The following GALNT13 variants were observed in gnomAD, a reference collection of about 807,000 sequenced individuals.
GALNT13 encodes UDP-GalNAc:polypeptide N-acetylgalactosaminyltransferase 13.
Under a neutral mutation model 64.2 loss-of-function variants are expected in GALNT13, and 28 were observed. The ratio of observed to expected loss-of-function variants is 0.44; its 90% CI spans 0.32 to 0.60. The LOEUF (loss-of-function observed/expected upper bound fraction) is 0.60, where lower values mean the gene tolerates loss of function less well. Ranked by LOEUF, GALNT13 falls within the 20% of genes least tolerant of loss-of-function variation. The probability of loss-of-function intolerance (pLI) is 0.05; values close to 1 mark genes in which losing one functional copy is unlikely to be tolerated. For missense variants in GALNT13, 577 were observed against 669.8 expected, an observed-to-expected ratio of 0.86 and a Z score of 1.53; for synonymous variants, 214 against 224.6, an observed-to-expected ratio of 0.95 and a Z score of 0.42.
At chr2:154,383,996 T>C (rs1698396031) in intron 9 of GALNT13, among the ~76,000 whole-genome samples, 1 of 151,840 alleles carries the variant, frequency 6.6e-6, no homozygotes, top group African/African-American at 2.4e-5. Context: ...TTAGAGAATG[T>C]CTACTGACAC....
chr2:154,053,223 A>C (rs900900486), intron 3 of GALNT13, among the ~76,000 whole-genome samples: 40 of 152,302 alleles, frequency 2.6e-4, no homozygotes, highest in Admixed American at 2.4e-3. Context: ...TTGAGTTCCA[A>C]AACTGGATTT....
the GALNT13 span, among the ~76,000 whole-genome samples, chr2:153,277,418 G>T: frequency 2.6e-5 from 4 of 152,160 alleles, no homozygotes; most frequent in Non-Finnish European, 5.9e-5. Context: ...GTATTCTGTG[G>T]TATATATGTA....
At chr2:153,876,183 A>G (rs1467005833) in intron 1 of GALNT13, among the ~76,000 whole-genome samples, 3 of 148,278 alleles carry the variant, frequency 2.0e-5, no homozygotes, top group Admixed American at 1.3e-4. Flanking sequence ...TGACATTTCT[A>G]ACAGCAACCC....
chr2:153,166,621 ATGTGTGTGTG>A, the GALNT13 span, among the ~76,000 whole-genome samples: 477 of 122,726 alleles, frequency 3.9e-3, 2 homozygotes, highest in East Asian at 0.027. Context: ...TGCCTACTGC[ATGTGTGTGTG>A]TGTGTGTGTG....
At chr2:153,288,875 T>G in the GALNT13 span, among the ~76,000 whole-genome samples, 1 of 152,186 alleles carries the variant, frequency 6.6e-6, no homozygotes, top group Non-Finnish European at 1.5e-5. Flanking sequence ...CTACTGTACT[T>G]AAATTTATAT....
chr2:153,510,956 C>A, the GALNT13 span, among the ~76,000 whole-genome samples: 1 of 151,830 alleles, frequency 6.6e-6, no homozygotes, highest in African/African-American at 2.4e-5. Flanking sequence ...CACTGTTGGA[C>A]AAGAGCAGAT....
the GALNT13 span, among the ~76,000 whole-genome samples, chr2:153,095,838 G>A: frequency 6.6e-6 from 1 of 151,842 alleles, no homozygotes; most frequent in African/African-American, 2.4e-5. Flanking sequence ...ATTGAACAAT[G>A]AAACACTTGG....
the GALNT13 span, among the ~76,000 whole-genome samples, chr2:153,485,288 ATTCT>A: frequency 6.6e-6 from 1 of 152,160 alleles, no homozygotes; most frequent in Non-Finnish European, 1.5e-5. Flanking sequence ...ATTAGGCTGT[ATTCT>A]TCTTGGATAT....
chr2:154,252,532 A>G (rs566178701), intron 7 of GALNT13, among the ~76,000 whole-genome samples: 3 of 151,310 alleles, frequency 2.0e-5, no homozygotes, highest in African/African-American at 7.3e-5. Flanking sequence ...AATTTTTTGT[A>G]TTTTTAATAG....
At chr2:154,082,147 T>C (rs1701302746) in intron 3 of GALNT13, among the ~76,000 whole-genome samples, 1 of 151,704 alleles carries the variant, frequency 6.6e-6, no homozygotes, top group African/African-American at 2.4e-5. Flanking sequence ...TTTTCTCCTT[T>C]GTTTTTTAAA....
the GALNT13 span, among the ~76,000 whole-genome samples, chr2:153,381,556 A>G: frequency 6.6e-6 from 1 of 152,118 alleles, no homozygotes; most frequent in Middle Eastern, 3.2e-3. Flanking sequence ...GCTAGAAATA[A>G]GGGTCTGAAA....
the GALNT13 span, among the ~76,000 whole-genome samples, chr2:153,510,340 C>T: frequency 1.3e-5 from 2 of 152,126 alleles, no homozygotes; most frequent in African/African-American, 4.8e-5. Flanking sequence ...ACATAAGCTA[C>T]GGCCAGAATC....
chr2:153,878,047 A>C (rs980345562), intron 1 of GALNT13, among the ~76,000 whole-genome samples: 1 of 152,160 alleles, frequency 6.6e-6, no homozygotes, highest in African/African-American at 2.4e-5. Context: ...AATAGTTCTC[A>C]GTCTGACATT....
chr2:154,046,067 G>C (rs184567734), intron 3 of GALNT13, among the ~76,000 whole-genome samples: 1 of 151,918 alleles, frequency 6.6e-6, no homozygotes, highest in African/African-American at 2.4e-5. Context: ...CAGTGTTTTG[G>C]GAGGATGAGG....
At chr2:154,023,819 G>T (rs1697724677) in intron 3 of GALNT13, among the ~76,000 whole-genome samples, 1 of 152,186 alleles carries the variant, frequency 6.6e-6, no homozygotes, top group Non-Finnish European at 1.5e-5. Flanking sequence ...GCATGTTTTT[G>T]CAGTGGCTGG....
chr2:153,586,601 A>G, the GALNT13 span, among the ~76,000 whole-genome samples: 2 of 152,140 alleles, frequency 1.3e-5, no homozygotes, highest in Admixed American at 6.6e-5. Flanking sequence ...AGACTTCAAC[A>G]CCCCAATCAC....
intron 1 of GALNT13, among the ~76,000 whole-genome samples, chr2:153,889,984 C>T (rs574905737): frequency 2.7e-4 from 41 of 151,780 alleles, no homozygotes; most frequent in African/African-American, 9.6e-4. Context: ...TGCTTGCTTC[C>T]TGTGAAGTGT....
chr2:153,781,637 A>G, the GALNT13 span, among the ~76,000 whole-genome samples: 1 of 152,084 alleles, frequency 6.6e-6, no homozygotes, highest in Admixed American at 6.6e-5. Context: ...TTATGTTTAC[A>G]TATCTCAGAA....
chr2:153,802,639 G>A, the GALNT13 span, among the ~76,000 whole-genome samples: 1 of 152,188 alleles, frequency 6.6e-6, no homozygotes, highest in Non-Finnish European at 1.5e-5. Context: ...AAATATCCCT[G>A]AGAATAACAC....
Sources: gnomAD v4.1 joint callset for allele counts (sites outside exome capture counted in the v4.1 genomes callset) on GRCh38, gnomAD v4.1.1 for gene constraint, MANE v1.5 for transcripts, NCBI Gene and HGNC (gene_info 2026-07-23, HGNC 2026-07-21) for gene names.